FKBP8: variants seen among roughly 807,000 people sequenced by gnomAD.
FKBP8 encodes the protein FKBP prolyl isomerase 8.
Under a neutral mutation model 41.7 loss-of-function variants are expected in FKBP8, and 5 were observed. The observed-to-expected ratio is 0.12, with a 90% CI of 0.06 to 0.25. FKBP8 has a LOEUF of 0.25. FKBP8 is among the 10% of genes least tolerant of loss of function. FKBP8 has a pLI of 1.00. For missense variants in FKBP8, 397 were observed against 563.0 expected (o/e 0.71, Z 2.98); for synonymous variants, 279 against 254.5 (o/e 1.10, Z -0.92).
chr19:18,540,087 G>A (rs978266940), intron 2 of FKBP8, among the ~76,000 whole-genome samples: 2 of 151,870 alleles, frequency 1.3e-5, no homozygotes, highest in Non-Finnish European at 2.9e-5. Context: ...TCAGCCCAGC[G>A]TCTGGGCAAA....
At chr19:18,540,591 G>T (rs144834801) in intron 2 of FKBP8, among the ~76,000 whole-genome samples, 37 of 152,050 alleles carry the variant, frequency 2.4e-4, no homozygotes, top group African/African-American at 8.9e-4. Flanking sequence ...AAAATTAGGG[G>T]CCAGGTGTGC....
At position 18,532,808 on chromosome 19, in the gene FKBP8, G is replaced by A; in HGVS notation, c.1024-13C>T. ...CTGCGTGGATCGTCTGCAGAAGGCA[G>A]GGGAAGCTGAGAACACGCAGCGGCC... On this transcript the variant is annotated splice_polypyrimidine_tract_variant and intron_variant, in intron 7 of 8. Coordinates refer to ENST00000608443, the MANE Select transcript of FKBP8 (RefSeq NM_012181.5). 6.2e-7 allele frequency: 1 copy of A among 1,613,030 alleles called. No homozygotes were observed. Among genetic ancestry groups the A allele is most frequent in the South Asian group, 1.1e-5 (1 of 91,064 alleles).
At chr19:18,539,322 C>T in intron 4 of FKBP8, 49 bp downstream of exon 4, 1 of 1,513,566 alleles carries the variant, frequency 6.6e-7, no homozygotes, top group South Asian at 1.2e-5. Context: ...CCCACTCCAC[C>T]CATCCCCCTC....
intron 6 of FKBP8, among the ~76,000 whole-genome samples, chr19:18,534,262 A>G (rs142980070): frequency 3.5e-3 from 530 of 149,588 alleles, no homozygotes; most frequent in African/African-American, 0.013. Flanking sequence ...AGCCGAGATC[A>G]CGCCACTGCA....
Position 18,538,550 on chromosome 19 carries a change from C to T in FKBP8, c.552-114G>A. On this transcript the variant is annotated intron_variant, in intron 4 of 8. Coordinates refer to ENST00000608443, the MANE Select transcript of FKBP8 (RefSeq NM_012181.5). The surrounding 1 kb of genome is among the most constrained non-coding windows in gnomAD (Gnocchi z 4.0). ...AAGCCCCCGATCTGTCTCCCCTCTGCCCTCCATCATTCCCTCCTCAGTAAA... is the reference window on the plus strand; with the variant it reads ...AAGCCCCCGATCTGTCTCCCCTCTGTCCTCCATCATTCCCTCCTCAGTAAA... The T allele has an allele frequency of 1.2e-6, 1 of 823,360 alleles. No homozygotes were observed. The allele number at this position is 823,360 out of a possible 1,614,324, so 51.0% of individuals were successfully genotyped here. A position where few individuals can be genotyped will look rare whatever the true frequency, so the allele number is the denominator to read the frequency against.
In FKBP8 at chr19:18,539,646, C is replaced by G. The variant is rs1230722079; in HGVS notation, c.367G>C (p.Val123Leu). Residue 123 changes from valine (V) to leucine (L), a missense_variant, in exon 3 of 9, where the codon GTC becomes CTC. Transcript: ENST00000608443. Reference protein sequence around the residue: ...GSSRPVKGQVVTVHLQTSLEN... With the variant: ...GSSRPVKGQVLTVHLQTSLEN... The stretch of plus-strand genomic sequence containing the variant: ...AGCGACGTCTGCAGATGTACGGTGA[C>G]CACCTGGCCCTTGACCGGGCGGCTC... 1.2e-6 allele frequency: 2 copies of G among 1,612,564 alleles called. No individual in the cohort carries two copies. The highest frequency in any genetic ancestry group is 3.3e-5 in the Admixed American group (2 of 60,028).
intron 2 of FKBP8, among the ~76,000 whole-genome samples, chr19:18,540,232 G>A (rs1976668767): frequency 6.6e-6 from 1 of 152,144 alleles, no homozygotes; most frequent in Admixed American, 6.6e-5. Context: ...GAAATGAGGT[G>A]CTCATGGGAC....
rs1976655945 is a variant in FKBP8, at chr19:18,539,655, C to T, written c.358G>A (p.Gly120Ser). Residue 120 changes from glycine to serine, a missense_variant, in exon 3 of 9, where the codon GGC (glycine) becomes AGC (serine). Coordinates refer to ENST00000608443, the MANE Select transcript of FKBP8 (RefSeq NM_012181.5). ...TGCAGATGTACGGTGACCACCTGGC[C>T]CTTGACCGGGCGGCTCGAACCTGGC... ...GPPGSSRPVK[G>S]QVVTVHLQTS... 2.5e-6 allele frequency: 4 copies of T among 1,612,218 alleles called. No homozygotes were observed. The highest frequency in any genetic ancestry group is 2.2e-5 in the East Asian group (1 of 44,882).
At chr19:18,542,253 T>G in intron 1 of FKBP8, 1 of 411,938 alleles carries the variant, frequency 2.4e-6, no homozygotes. Context: ...TTACAAATAC[T>G]CCAGGAAGTA....
rs1976617503 is a variant in FKBP8, at chr19:18,537,957, C to T, written c.773-184G>A. The stretch of plus-strand genomic sequence containing the variant: ...AGATGGAGACTTAAGCAAGCGAGGG[C>T]CTAGCCTGTGGTACATGTGAACTGG... On this transcript the variant is annotated intron_variant, in intron 5 of 8. Transcript: ENST00000608443. The surrounding 1 kb of genome is among the most constrained non-coding windows in gnomAD (Gnocchi z 4.4). 3 of 706,746 alleles carry T rather than the reference C, an allele frequency of 4.2e-6. No homozygotes were observed. Among genetic ancestry groups the T allele is most frequent in the Admixed American group, 2.9e-5 (1 of 33,980 alleles). The allele number at this position is 706,746 out of a possible 1,614,324, so 43.8% of individuals were successfully genotyped here. A position where few individuals can be genotyped will look rare whatever the true frequency, so the allele number is the denominator to read the frequency against.
intron 6 of FKBP8, among the ~76,000 whole-genome samples, chr19:18,534,573 TG>T (rs1976526769): frequency 6.6e-6 from 1 of 151,564 alleles, no homozygotes; most frequent in African/African-American, 2.4e-5. Flanking sequence ...TTCCAGAGGT[TG>T]TTGTTTTTTT....
intron 4 of FKBP8, among the ~76,000 whole-genome samples, chr19:18,539,103 C>T (rs111871801): frequency 0.014 from 2,184 of 152,202 alleles, 51 homozygotes; most frequent in African/African-American, 0.049. Context: ...CGTAAGCCAC[C>T]ACGCCCGGCC....
chr19:18,543,175 C>T (rs147533062), intron 1 of FKBP8: 13,580 of 260,936 alleles, frequency 0.052, 524 homozygotes, highest in Non-Finnish European at 0.073. Flanking sequence ...CCCCAACGAC[C>T]CACGCCTGTC....
intron 8 of FKBP8, 71 bp from the exon 9 acceptor site, chr19:18,532,326 G>T (rs1976467253): frequency 1.9e-5 from 26 of 1,387,930 alleles, no homozygotes; most frequent in Non-Finnish European, 2.6e-5. Flanking sequence ...TCAGCTGCCA[G>T]CACAGCCCAA....
chr19:18,541,611 G>T, intron 2 of FKBP8, 68 bp downstream of exon 2: 1 of 1,541,342 alleles, frequency 6.5e-7, no homozygotes, highest in Non-Finnish European at 8.8e-7. Context: ...CAGCACAGAT[G>T]GGGAAATGAG....
chr19:18,532,105 G>A lies in FKBP8; in HGVS notation c.*64C>T, dbSNP rs1159711447. ...GGGAGGGCAGTGGACAGGGAGCCTG[G>A]GGGAGTTGGGGAGCGCAGGGCAGGG... On this transcript the variant is annotated 3_prime_UTR_variant, in exon 9 of 9. Transcript: ENST00000608443. 2.9e-6 allele frequency: 4 copies of A among 1,389,000 alleles called. No homozygotes were observed. Among genetic ancestry groups the A allele is most frequent in the African/African-American group, 1.4e-5 (1 of 69,990 alleles). The allele number at this position is 1,389,000 out of a possible 1,614,324, so 86.0% of individuals were successfully genotyped here. A position where few individuals can be genotyped will look rare whatever the true frequency, so the allele number is the denominator to read the frequency against.
Position 18,531,829 on chromosome 19 carries a change from TG to T in FKBP8, c.*339del. 1 of 133,704 alleles carries T rather than the reference TG, an allele frequency of 7.5e-6. No individual in the cohort carries two copies. Among genetic ancestry groups the T allele is most frequent in the Non-Finnish European group, 1.3e-5 (1 of 77,528 alleles). 8.3% of individuals were successfully genotyped at this position (133,704 alleles called of 1,614,324 possible). A position where few individuals can be genotyped will look rare whatever the true frequency, so the allele number is the denominator to read the frequency against. On this transcript the variant is annotated 3_prime_UTR_variant, in exon 9 of 9. Coordinates refer to ENST00000608443, the MANE Select transcript of FKBP8 (RefSeq NM_012181.5). ...CCTGGACAGGGGGCGGCAGGCGGGG[TG>T]GGGGGCTGGCACTCAGGCGGGGACT...
chr19:18,539,015 C>T (rs547286579), intron 4 of FKBP8, among the ~76,000 whole-genome samples: 148 of 152,022 alleles, frequency 9.7e-4, no homozygotes, highest in African/African-American at 3.5e-3. Flanking sequence ...GGGGTTTCAC[C>T]GTGCTAGCCA....
At chr19:18,533,931 C>G (rs977213592) in intron 6 of FKBP8, among the ~76,000 whole-genome samples, 3 of 147,010 alleles carry the variant, frequency 2.0e-5, no homozygotes, top group African/African-American at 7.6e-5. Flanking sequence ...ATGGCGTGAA[C>G]CCGGGAGGCG....
Sources: gnomAD v4.1 joint callset for allele counts (sites outside exome capture counted in the v4.1 genomes callset) on GRCh38, gnomAD v4.1.1 for gene constraint, Gnocchi (gnomAD v3.1) non-coding constraint, MANE v1.5 for transcripts, NCBI Gene and HGNC (gene_info 2026-07-23, HGNC 2026-07-21) for gene names.